Variants in PLEKHG1 observed in about 807,000 individuals in gnomAD.
PLEKHG1 encodes pleckstrin homology and RhoGEF domain containing G1, also known as pleckstrin homology domain-containing family G member 1.
In PLEKHG1, 44 loss-of-function variants were observed where a neutral mutation model predicts 100.8. The ratio of observed to expected loss-of-function variants is 0.44; its 90% CI spans 0.34 to 0.56. The LOEUF is 0.56. Among genes scored for constraint, PLEKHG1 ranks in the 20% least tolerant of loss-of-function variants. The pLI is 0.01. For missense variants in PLEKHG1, 1,545 were observed against 1,720.9 expected (o/e 0.90, Z 1.81); for synonymous variants, 640 against 662.5 (o/e 0.97, Z 0.52).
chr6:150,649,944 G>A (rs1476617101), intron 2 of PLEKHG1, among the ~76,000 whole-genome samples: 1 of 152,028 alleles, frequency 6.6e-6, no homozygotes, highest in Non-Finnish European at 1.5e-5. Flanking sequence ...CCTGGGAGGC[G>A]GAGCTTGCAG....
intron 1 of PLEKHG1, among the ~76,000 whole-genome samples, chr6:150,731,264 T>C (rs1782237654): frequency 6.6e-6 from 1 of 152,174 alleles, no homozygotes; most frequent in South Asian, 2.1e-4. Flanking sequence ...TTATAGGCCA[T>C]AAAGTTGTTA....
intron 10 of PLEKHG1, among the ~76,000 whole-genome samples, chr6:150,810,010 T>A (rs551549266): frequency 6.6e-6 from 1 of 151,990 alleles, no homozygotes; most frequent in African/African-American, 2.4e-5. Flanking sequence ...AACTTCATAA[T>A]AAAGAGGCTG....
chr6:150,651,077 G>T (rs1023061383), intron 3 of PLEKHG1: 1 of 152,042 alleles, frequency 6.6e-6, no homozygotes, highest in Non-Finnish European at 1.5e-5. Flanking sequence ...TAGCAACAAC[G>T]AATAATAAAA....
Position 150,809,307 on chromosome 6 carries a change from A to G in PLEKHG1, c.1095+20A>G, listed in dbSNP as rs1787347015. 3 of 1,612,098 alleles carry G rather than the reference A, an allele frequency of 1.9e-6. No homozygotes were observed. Among genetic ancestry groups the G allele is most frequent in the Non-Finnish European group, 8.5e-7 (1 of 1,178,622 alleles). On this transcript the variant is annotated intron_variant, in intron 8 of 15. Transcript: ENST00000358517. ...ATCCTGGTAGGTCTGCACGCTGGCC[A>G]TGGGCAGGGACTCAGATCCCCAGTT...
exon 16 of PLEKHG1, chr6:150,840,660 G>C (rs779286093): frequency 6.2e-7 from 1 of 1,614,024 alleles, no homozygotes; most frequent in Admixed American, 1.7e-5. Context: ...AAAGTTTGTG[G>C]ATGCTGACTT....
chr6:150,687,795 T>A (rs1258616548), intron 3 of PLEKHG1, among the ~76,000 whole-genome samples: 1 of 152,112 alleles, frequency 6.6e-6, no homozygotes, highest in Non-Finnish European at 1.5e-5. Context: ...TAAACACGAG[T>A]GTTCTTGCAT....
chr6:150,793,946 G>T (rs536816226), intron 4 of PLEKHG1, among the ~76,000 whole-genome samples: 1 of 152,262 alleles, frequency 6.6e-6, no homozygotes, highest in South Asian at 2.1e-4. Context: ...GCCAGGCATG[G>T]TGACGCATGC....
intron 3 of PLEKHG1, among the ~76,000 whole-genome samples, chr6:150,660,862 T>A (rs764683221): frequency 8.5e-5 from 13 of 152,226 alleles, no homozygotes; most frequent in Non-Finnish European, 1.8e-4. Flanking sequence ...ATTATTAATT[T>A]TGCCAGTGTT....
exon 16 of PLEKHG1, chr6:150,840,585 A>G (rs1777476144): frequency 1.2e-6 from 2 of 1,614,130 alleles, no homozygotes; most frequent in Non-Finnish European, 8.5e-7. Context: ...CTATGTGGAA[A>G]TCAAGTCAGA....
chr6:150,700,492 C>A (rs1299115480), intron 3 of PLEKHG1, among the ~76,000 whole-genome samples: 1 of 152,150 alleles, frequency 6.6e-6, no homozygotes, highest in East Asian at 1.9e-4. Context: ...GCTAAAGAAC[C>A]TGGGGTGATC....
At chr6:150,838,058 G>T (rs1265263736) in intron 15 of PLEKHG1, among the ~76,000 whole-genome samples, 2 of 152,136 alleles carry the variant, frequency 1.3e-5, no homozygotes, top group Non-Finnish European at 2.9e-5. Flanking sequence ...CACAATAACA[G>T]GTTGTTTCTC....
chr6:150,675,842 G>A (rs920612447), intron 3 of PLEKHG1, among the ~76,000 whole-genome samples: 1 of 152,190 alleles, frequency 6.6e-6, no homozygotes, highest in Non-Finnish European at 1.5e-5. Context: ...TTAAATCTAA[G>A]AAGATGAAAT....
At chr6:150,704,055 C>T (rs955019152) in intron 3 of PLEKHG1, among the ~76,000 whole-genome samples, 4 of 150,432 alleles carry the variant, frequency 2.7e-5, no homozygotes, top group Non-Finnish European at 2.9e-5. Context: ...CAAATAACAA[C>T]TTTATCGGTG....
chr6:150,794,201 G>A (rs1376481119), intron 4 of PLEKHG1, among the ~76,000 whole-genome samples: 3 of 152,302 alleles, frequency 2.0e-5, no homozygotes, highest in Non-Finnish European at 4.4e-5. Context: ...AGAACTTAAA[G>A]ATGAAAAGAG....
At chr6:150,751,833 A>G (rs1783527626) in intron 2 of PLEKHG1, among the ~76,000 whole-genome samples, 1 of 152,128 alleles carries the variant, frequency 6.6e-6, no homozygotes, top group South Asian at 2.1e-4. Flanking sequence ...CAAAACTGAA[A>G]TCCTTACCGA....
rs1776071802 is a variant in PLEKHG1, at chr6:150,817,891, A to G, written c.1279-292A>G. On this transcript the variant is annotated intron_variant, in intron 10 of 15. Transcript: ENST00000358517. Reference sequence around the variant, plus strand: ...ATCTGCATTTTTAATAAGCTGGCCAATGAGTGCTGATGATCAGCCAGGCTT... The same window carrying G: ...ATCTGCATTTTTAATAAGCTGGCCAGTGAGTGCTGATGATCAGCCAGGCTT... Among the ~76,000 whole-genome samples, 7 of 151,680 alleles carry G rather than the reference A, an allele frequency of 4.6e-5. No individual in the cohort carries two copies. In the South Asian group the frequency reaches 1.5e-3, roughly 32 times the overall value.
chr6:150,834,896 C>T (rs1777144034), intron 15 of PLEKHG1, among the ~76,000 whole-genome samples: 2 of 152,200 alleles, frequency 1.3e-5, no homozygotes, highest in Admixed American at 1.3e-4. Context: ...GCTGGGTGAT[C>T]GAGACCACTT....
intron 3 of PLEKHG1, chr6:150,663,445 A>G (rs1779278636): frequency 2.0e-5 from 3 of 152,140 alleles, no homozygotes; most frequent in African/African-American, 4.8e-5. Flanking sequence ...TTTATAGTGC[A>G]ATGAAGACAT....
rs138130565 is a variant in PLEKHG1 at position 150,681,616 on chromosome 6, A to G, written c.-99+30830A>G. ...TTTGTATTGAGAATTCTATATACAC[A>G]GATGATTCCACATCCTCCAAATTTA... On this transcript the variant is annotated intron_variant, in intron 3 of 3. Coordinates refer to the PLEKHG1 transcript ENST00000367326. Among the ~76,000 whole-genome samples, 267 of 152,294 alleles carry G rather than the reference A, an allele frequency of 1.8e-3. 2 individuals carry two copies. Among genetic ancestry groups the G allele is most frequent in the African/African-American group, 6.2e-3 (256 of 41,548 alleles).
Sources: allele counts gnomAD v4.1 joint callset (sites outside exome capture counted in the v4.1 genomes callset), GRCh38; gene constraint gnomAD v4.1.1; transcripts MANE v1.5; gene names NCBI Gene and HGNC (gene_info 2026-07-23, HGNC 2026-07-21).